Variants in UTRN observed in about 807,000 individuals in gnomAD.
UTRN encodes the protein utrophin.
In UTRN, 283 loss-of-function variants were observed where a neutral mutation model predicts 463.9. The observed-to-expected ratio is 0.61, with a 90% CI of 0.55 to 0.67. The LOEUF (loss-of-function observed/expected upper bound fraction) is 0.67, where lower values mean the gene tolerates loss of function less well. Among genes scored for constraint, UTRN ranks in the 30% least tolerant of loss-of-function variants. The pLI, the probability that UTRN is intolerant of heterozygous loss-of-function variation, is 0.00. For synonymous variants in UTRN, 1,442 were observed against 1,431.5 expected (o/e 1.01, Z -0.17); for missense variants, 3,922 against 4,084.3 (o/e 0.96, Z 1.08).
intron 19 of UTRN, among the ~76,000 whole-genome samples, chr6:144,454,912 A>C (rs1258601591): frequency 6.6e-6 from 1 of 152,152 alleles, no homozygotes; most frequent in Admixed American, 6.5e-5. Flanking sequence ...ACTGTAGAAA[A>C]TTTCCATCTT....
chr6:144,394,494 A>G (rs916250862), intron 2 of UTRN, among the ~76,000 whole-genome samples: 1 of 152,214 alleles, frequency 6.6e-6, no homozygotes, highest in Admixed American at 6.5e-5. Context: ...TATGGGAGCT[A>G]TAATTCAAAA....
At chr6:144,592,209 C>T (rs1168684739) in intron 51 of UTRN, among the ~76,000 whole-genome samples, 1 of 151,924 alleles carries the variant, frequency 6.6e-6, no homozygotes, top group Admixed American at 6.6e-5. Context: ...TCAGGGAACC[C>T]ACTATGGTTA....
chr6:144,398,389 T>C (rs1782644672), intron 2 of UTRN: 2 of 377,480 alleles, frequency 5.3e-6, no homozygotes, highest in Non-Finnish European at 5.3e-6. Context: ...TCACTGGGCA[T>C]CTGGCTGGGA....
intron 51 of UTRN, among the ~76,000 whole-genome samples, chr6:144,649,805 G>A (rs1379989369): frequency 1.3e-5 from 2 of 151,928 alleles, no homozygotes; most frequent in African/African-American, 4.8e-5. Flanking sequence ...GCTTTAATGA[G>A]GAAATAGAAG....
intron 53 of UTRN, among the ~76,000 whole-genome samples, chr6:144,720,398 C>T (rs1390331403): frequency 6.6e-6 from 1 of 152,164 alleles, no homozygotes; most frequent in African/African-American, 2.4e-5. Context: ...TATTCGGCTG[C>T]CTGGTGCTCA....
intron 23 of UTRN, among the ~76,000 whole-genome samples, chr6:144,469,298 CTT>C (rs1324137289): frequency 4.6e-5 from 7 of 152,146 alleles, no homozygotes; most frequent in Admixed American, 1.3e-4. Flanking sequence ...TGTGGTAACT[CTT>C]TTATGGTCTC....
At chr6:144,469,957 G>A (rs879082456) in intron 23 of UTRN, among the ~76,000 whole-genome samples, 4 of 152,056 alleles carry the variant, frequency 2.6e-5, no homozygotes, top group African/African-American at 7.2e-5. Context: ...ATCTTGCACC[G>A]CCCTTAATCC....
chr6:144,460,524 T>A (rs1789306741), intron 21 of UTRN, among the ~76,000 whole-genome samples: 1 of 152,242 alleles, frequency 6.6e-6, no homozygotes, highest in African/African-American at 2.4e-5. Context: ...GTGAAATATG[T>A]CTTTGAGGGT....
Position 144,657,925 on chromosome 6 carries a change from G to A in UTRN, c.7480-20481G>A, listed in dbSNP as rs555106313. ...TGGTGGTGATGGTGCTGGTGCTGGT[G>A]GTTTCTTTTGTCTTGTATTTATGTA... is the stretch of plus-strand genomic sequence containing the variant. On this transcript the variant is annotated intron_variant, in intron 51 of 74. Coordinates refer to ENST00000367545, the MANE Select transcript of UTRN (RefSeq NM_007124.3). 8.5e-5 allele frequency among the ~76,000 whole-genome samples: 13 copies of A among 152,156 alleles called. No individual in the cohort carries two copies. In the East Asian group the frequency reaches 2.3e-3, roughly 27 times the overall value.
At chr6:144,777,382 T>C (rs914224109) in intron 60 of UTRN, among the ~76,000 whole-genome samples, 2 of 152,222 alleles carry the variant, frequency 1.3e-5, no homozygotes, top group Non-Finnish European at 2.9e-5. Flanking sequence ...TGTACCACTC[T>C]GTTCCATTTA....
chr6:144,527,697 T>C (rs6933333), intron 41 of UTRN, among the ~76,000 whole-genome samples: 3,118 of 152,342 alleles, frequency 0.02, 128 homozygotes, highest in African/African-American at 0.071. Context: ...AAAATTCTTT[T>C]TTCTTTTTCT....
In UTRN at chr6:144,453,862, G is replaced by C; in HGVS notation, c.2277G>C (p.Met759Ile). Residue 759 changes from methionine to isoleucine, a missense_variant, in exon 19 of 75, where the codon ATG (methionine) becomes ATC (isoleucine). Physicochemically the swap from Met to Ile is conservative, Grantham distance 10. Coordinates refer to ENST00000367545, the MANE Select transcript of UTRN (RefSeq NM_007124.3). ...CTGGACAAATCCTTGTGGAGCAAATGGGAAAAGGTAAGATCCTTGATTTTT... is the reference window on the plus strand; with the variant it reads ...CTGGACAAATCCTTGTGGAGCAAATCGGAAAAGGTAAGATCCTTGATTTTT... ...NQTGQILVEQMGKEGLPTEEI... is the reference protein window; with the variant it reads ...NQTGQILVEQIGKEGLPTEEI... 1 of 1,612,856 alleles carries C rather than the reference G, an allele frequency of 6.2e-7. No homozygotes were observed. The highest frequency in any genetic ancestry group is 8.5e-7 in the Non-Finnish European group (1 of 1,179,250).
intron 13 of UTRN, among the ~76,000 whole-genome samples, chr6:144,443,626 GAA>G (rs10589741): frequency 0.052 from 7,976 of 152,022 alleles, 657 homozygotes; most frequent in African/African-American, 0.17. Flanking sequence ...AAATAATCAT[GAA>G]GAGTGATTTT....
At chr6:144,326,024 AAGG>A (rs1775951776) in intron 2 of UTRN, among the ~76,000 whole-genome samples, 2 of 143,176 alleles carry the variant, frequency 1.4e-5, no homozygotes, top group South Asian at 4.2e-4. Flanking sequence ...TGCAATCAGG[AAGG>A]AGTTTATAAG....
intron 51 of UTRN, among the ~76,000 whole-genome samples, chr6:144,600,538 CCTAA>C (rs970176332): frequency 5.3e-5 from 8 of 152,178 alleles, no homozygotes; most frequent in Non-Finnish European, 7.4e-5. Flanking sequence ...AGAGCAATGC[CCTAA>C]CTCTCTTCAA....
At position 144,462,783 on chromosome 6, in the gene UTRN, G is replaced by A; in HGVS notation, c.2983G>A (p.Gly995Arg). The A allele has an allele frequency of 6.2e-7, 1 of 1,611,864 alleles. No individual in the cohort carries two copies. Among genetic ancestry groups the A allele is most frequent in the Non-Finnish European group, 8.5e-7 (1 of 1,179,514 alleles). The change falls in exon 23 of 75, where the codon GGA (glycine) becomes AGA (arginine). Residue 995 changes from glycine to arginine, a missense_variant. Around this residue, in one of 3 missense-constraint regions of UTRN, gnomAD observed 2,349 missense variants for 2,303.8 expected, o/e 1.02. Transcript: ENST00000367545. ...TAAGCAAGAATTTGATGATGTGCAA[G>A]GAAAGTGGAACAAGCTAAAGGTCTT... ...LYKQEFDDVQGKWNKLKVLVS... is the reference protein window; with the variant it reads ...LYKQEFDDVQRKWNKLKVLVS...
At chr6:144,598,708 G>C (rs141150239) in intron 51 of UTRN, among the ~76,000 whole-genome samples, 90 of 152,180 alleles carry the variant, frequency 5.9e-4, no homozygotes, top group Non-Finnish European at 1.1e-3. Context: ...TTACTAGAGA[G>C]AGTCTGTTTT....
intron 2 of UTRN, among the ~76,000 whole-genome samples, chr6:144,364,510 C>A (rs1318521251): frequency 6.6e-6 from 1 of 152,182 alleles, no homozygotes; most frequent in Non-Finnish European, 1.5e-5. Flanking sequence ...GCTTTGCTCT[C>A]CCCACTTCGC....
chr6:144,811,226 C>T (rs989297565), intron 65 of UTRN, among the ~76,000 whole-genome samples: 3 of 152,136 alleles, frequency 2.0e-5, no homozygotes, highest in Non-Finnish European at 2.9e-5. Context: ...CTTTCCACCC[C>T]TGCCAGCATC....
Sources: allele counts gnomAD v4.1 joint callset (sites outside exome capture counted in the v4.1 genomes callset), GRCh38; gene constraint gnomAD v4.1.1; regional missense constraint gnomAD v4.1.1; transcripts MANE v1.5; gene names NCBI Gene and HGNC (gene_info 2026-07-23, HGNC 2026-07-21).